Variants in SPATA22 observed in about 807,000 individuals in gnomAD.
SPATA22 encodes the protein spermatogenesis associated 22.
Under a neutral mutation model 47.8 loss-of-function variants are expected in SPATA22, and 29 were observed. The ratio of observed to expected loss-of-function variants is 0.61; its 90% CI spans 0.45 to 0.83. SPATA22 has a LOEUF of 0.83. Ranked by LOEUF, SPATA22 falls within the 40% of genes least tolerant of loss-of-function variation. The pLI, the probability that SPATA22 is intolerant of heterozygous loss-of-function variation, is 0.00. For synonymous variants in SPATA22, 133 were observed against 140.9 expected, an observed-to-expected ratio of 0.94 and a Z score of 0.40; for missense variants, 410 against 421.7, an observed-to-expected ratio of 0.97 and a Z score of 0.24.
intron 3 of SPATA22, among the ~76,000 whole-genome samples, chr17:3,465,917 T>C (rs539233410): frequency 2.8e-4 from 42 of 152,286 alleles, no homozygotes; most frequent in East Asian, 1.2e-3. Flanking sequence ...CATTTCCTTA[T>C]GGAGTAGCTC....
chr17:3,462,389 G>A, intron 5 of SPATA22, 94 bp downstream of exon 5: 1 of 831,476 alleles, frequency 1.2e-6, no homozygotes, highest in South Asian at 1.9e-5. Context: ...AATTCTGTCT[G>A]AGAAACAACG....
intron 1 of SPATA22, among the ~76,000 whole-genome samples, chr17:3,471,100 A>G (rs2073423272): frequency 6.6e-6 from 1 of 151,780 alleles, no homozygotes; most frequent in African/African-American, 2.4e-5. Context: ...GGTTGCAGTG[A>G]GCCGAGATCA....
intron 6 of SPATA22, among the ~76,000 whole-genome samples, chr17:3,447,672 G>A (rs1228609668): frequency 6.6e-6 from 1 of 152,114 alleles, no homozygotes; most frequent in Non-Finnish European, 1.5e-5. Context: ...GTAAGAAGTT[G>A]TTACCATTCC....
chr17:3,459,272 G>A (rs1173993427), intron 5 of SPATA22, among the ~76,000 whole-genome samples: 3 of 152,108 alleles, frequency 2.0e-5, no homozygotes, highest in African/African-American at 7.2e-5. Flanking sequence ...TAGATCTTAA[G>A]TGTTCTCACT....
chr17:3,468,337 G>A (rs1264841458), intron 2 of SPATA22: 1 of 152,142 alleles, frequency 6.6e-6, no homozygotes, highest in Admixed American at 6.6e-5. Context: ...GCAAGTCAGT[G>A]GAAGAATCTA....
chr17:3,508,990 C>G (rs986047929), intron 1 of SPATA22, among the ~76,000 whole-genome samples: 2 of 150,012 alleles, frequency 1.3e-5, no homozygotes, highest in African/African-American at 4.9e-5. Flanking sequence ...ACTGAATATA[C>G]CTATGAATTA....
chr17:3,447,209 G>C (rs1043956730), intron 6 of SPATA22, among the ~76,000 whole-genome samples: 1 of 152,014 alleles, frequency 6.6e-6, no homozygotes, highest in African/African-American at 2.4e-5. Flanking sequence ...ATTTTAAGTG[G>C]GTTGTTGAAT....
chr17:3,512,588 T>C (rs533893979), intron 1 of SPATA22: 1 of 152,312 alleles, frequency 6.6e-6, no homozygotes, highest in Admixed American at 6.5e-5. Flanking sequence ...CATTTTTACA[T>C]GAATCCTTTC....
At chr17:3,505,548 G>C (rs144966680) in intron 1 of SPATA22, among the ~76,000 whole-genome samples, 3,722 of 152,200 alleles carry the variant, frequency 0.024, 56 homozygotes, top group Non-Finnish European at 0.04. Context: ...GCTCCAATAG[G>C]AGGAGCAAAT....
chr17:3,503,983 A>T (rs2074018358), intron 1 of SPATA22, among the ~76,000 whole-genome samples: 1 of 151,352 alleles, frequency 6.6e-6, no homozygotes, highest in East Asian at 2.0e-4. Context: ...TCCCTCCCCG[A>T]CGCCTCCCTA....
intron 1 of SPATA22, among the ~76,000 whole-genome samples, chr17:3,484,121 G>C (rs2073680150): frequency 6.6e-6 from 1 of 152,144 alleles, no homozygotes; most frequent in Non-Finnish European, 1.5e-5. Context: ...TTGCTGTAAT[G>C]CTTGGCCCTT....
chr17:3,445,323 G>A (rs1404400053), intron 7 of SPATA22, among the ~76,000 whole-genome samples: 1 of 152,108 alleles, frequency 6.6e-6, no homozygotes, highest in East Asian at 1.9e-4. Flanking sequence ...CTTCAACAGA[G>A]TAGTAACAGT....
At chr17:3,462,666 G>C (rs767814836) in intron 4 of SPATA22, 41 bp downstream of exon 4, 41 of 1,577,676 alleles carry the variant, frequency 2.6e-5, no homozygotes, top group Non-Finnish European at 3.1e-5. Flanking sequence ...ACATCAGTTA[G>C]TAACAGACAC....
chr17:3,499,350 T>G, intron 1 of SPATA22: 1 of 295,864 alleles, frequency 3.4e-6, no homozygotes, highest in Non-Finnish European at 6.1e-6. Flanking sequence ...CTCAACATTC[T>G]TAATAAACAG....
chr17:3,483,524 A>G (rs1393132479), intron 1 of SPATA22: 18 of 1,614,120 alleles, frequency 1.1e-5, no homozygotes, highest in Non-Finnish European at 1.5e-5. Context: ...CTACCCTGCT[A>G]CGTTTATCTG....
chr17:3,465,811 A>T (rs2073296303), intron 3 of SPATA22, among the ~76,000 whole-genome samples: 1 of 142,064 alleles, frequency 7.0e-6, no homozygotes, highest in Admixed American at 7.3e-5. Flanking sequence ...AAAAAACAAC[A>T]CTGATGCAGT....
At chr17:3,493,092 C>T (rs1216510439) in intron 1 of SPATA22, among the ~76,000 whole-genome samples, 3 of 152,200 alleles carry the variant, frequency 2.0e-5, no homozygotes, top group African/African-American at 7.2e-5. Context: ...TTGGACCAAA[C>T]GTTCATCCTG....
chr17:3,482,960 C>A (rs2073659104), intron 1 of SPATA22, among the ~76,000 whole-genome samples: 1 of 124,312 alleles, frequency 8.0e-6, no homozygotes, highest in Non-Finnish European at 1.6e-5. Context: ...CCCAATTCTT[C>A]ATTGCCTATT....
intron 1 of SPATA22, among the ~76,000 whole-genome samples, chr17:3,486,325 C>T (rs763593922): frequency 6.6e-6 from 1 of 152,196 alleles, no homozygotes; most frequent in African/African-American, 2.4e-5. Flanking sequence ...GTTCACTATA[C>T]AGACATCCTT....
Sources: allele counts gnomAD v4.1 joint callset (sites outside exome capture counted in the v4.1 genomes callset), GRCh38; gene constraint gnomAD v4.1.1; transcripts MANE v1.5; gene names NCBI Gene and HGNC (gene_info 2026-07-23, HGNC 2026-07-21).